TENM3: variants seen among roughly 807,000 people sequenced by gnomAD.
TENM3 encodes the protein teneurin-3.
In TENM3, 63 loss-of-function variants were observed where a neutral mutation model predicts 255.1. That is an observed-to-expected ratio of 0.25 (90% CI 0.20 to 0.30). TENM3 has a LOEUF of 0.30. Among genes scored for constraint, TENM3 ranks in the 10% least tolerant of loss-of-function variants. The probability of loss-of-function intolerance (pLI) is 1.00; values close to 1 mark genes in which losing one functional copy is unlikely to be tolerated. For missense variants in TENM3, 2,929 were observed against 3,461.1 expected, an observed-to-expected ratio of 0.85 and a Z score of 3.86; for synonymous variants, 1,306 against 1,322.3, an observed-to-expected ratio of 0.99 and a Z score of 0.27.
chr4:182,353,453 C>T (rs192007902), intron 3 of TENM3, among the ~76,000 whole-genome samples: 3 of 152,206 alleles, frequency 2.0e-5, no homozygotes, highest in East Asian at 3.9e-4. Context: ...CGTAATATGT[C>T]GGTGGGCTTC....
At chr4:182,669,992 C>T (rs1016022918) in intron 6 of TENM3, among the ~76,000 whole-genome samples, 1 of 152,140 alleles carries the variant, frequency 6.6e-6, no homozygotes, top group Non-Finnish European at 1.5e-5. Context: ...TCCTTCATGA[C>T]AAATGTAGGT....
chr4:182,169,745 C>G lies in TENM3; in HGVS notation c.-76+24991C>G, dbSNP rs547833835. ...CTGTGGGGGTTAAGAATATTTAATC[C>G]TTTAAAGCTGACATATATAACATGT... On this transcript the variant is annotated intron_variant, in intron 1 of 2. Transcript: ENST00000512480. 1.6e-4 allele frequency among the ~76,000 whole-genome samples: 24 copies of G among 151,966 alleles called. 1 individual carries two copies. In the South Asian group the frequency reaches 5.0e-3, roughly 32 times the overall value.
intron 12 of TENM3, 35 bp from the exon 13 acceptor site, chr4:182,714,052 C>T: frequency 6.2e-7 from 1 of 1,602,560 alleles, no homozygotes; most frequent in East Asian, 2.2e-5. Context: ...ACTCAATACT[C>T]AAATCACTGG....
intron 12 of TENM3, among the ~76,000 whole-genome samples, chr4:182,699,132 G>A (rs1054643219): frequency 3.3e-5 from 5 of 152,170 alleles, no homozygotes; most frequent in Admixed American, 1.3e-4. Flanking sequence ...TTTCTTTCCG[G>A]TCTACCTCCT....
At chr4:181,636,085 A>G in the TENM3 span, among the ~76,000 whole-genome samples, 1 of 152,140 alleles carries the variant, frequency 6.6e-6, no homozygotes, top group Non-Finnish European at 1.5e-5. Flanking sequence ...TCGCTCTGTC[A>G]TTCAGGCTGG....
intron 1 of TENM3, among the ~76,000 whole-genome samples, chr4:182,307,730 A>G (rs2150400078): frequency 6.6e-6 from 1 of 152,356 alleles, no homozygotes; most frequent in South Asian, 2.1e-4. Context: ...GAGGAAACGT[A>G]GACCAAATTG....
chr4:182,225,588 G>GGA (rs1258114087), intron 1 of TENM3, among the ~76,000 whole-genome samples: 1 of 152,194 alleles, frequency 6.6e-6, no homozygotes, highest in African/African-American at 2.4e-5. Context: ...GACGACAGCG[G>GGA]GAGATGAACA....
the TENM3 span, among the ~76,000 whole-genome samples, chr4:181,643,460 T>A: frequency 6.6e-6 from 1 of 152,210 alleles, no homozygotes; most frequent in African/African-American, 2.4e-5. Flanking sequence ...ACTTCCTCTT[T>A]TCCTATTTGA....
chr4:182,402,304 T>C (rs6823473), intron 3 of TENM3, among the ~76,000 whole-genome samples: 5,178 of 152,254 alleles, frequency 0.034, 145 homozygotes, highest in East Asian at 0.1. Flanking sequence ...TCTATCTAGA[T>C]GGGCAAAATA....
chr4:182,766,654 G>A lies in TENM3; in HGVS notation c.4893-6818G>A, dbSNP rs148699618. ...GTGACCATCTATCACTATGCTCAGC[G>A]TTCAAAAGGGCTGGACCAGAGAGGA... On this transcript the variant is annotated intron_variant, in intron 22 of 27. Transcript: ENST00000511685. Among the ~76,000 whole-genome samples the A allele has an allele frequency of 7.2e-5, 11 of 152,168 alleles. No individual in the cohort carries two copies. The East Asian group carries it at 9.7e-4, about 13-fold the overall frequency.
At chr4:182,521,094 C>G (rs1738516315) in intron 3 of TENM3, among the ~76,000 whole-genome samples, 1 of 152,116 alleles carries the variant, frequency 6.6e-6, no homozygotes, top group Non-Finnish European at 1.5e-5. Flanking sequence ...AGCTCATTAG[C>G]CCTTGAAGCA....
At chr4:181,939,855 T>G in the TENM3 span, among the ~76,000 whole-genome samples, 1 of 152,250 alleles carries the variant, frequency 6.6e-6, no homozygotes, top group Non-Finnish European at 1.5e-5. Context: ...TTAAAGCTAG[T>G]GTTCTTCAAC....
intron 4 of TENM3, among the ~76,000 whole-genome samples, chr4:182,603,492 A>T (rs1021582552): frequency 6.6e-6 from 1 of 152,124 alleles, no homozygotes; most frequent in Non-Finnish European, 1.5e-5. Flanking sequence ...TTCAACTTGC[A>T]GTACTCAGTG....
At chr4:182,215,123 A>G (rs1029770903) in intron 1 of TENM3, among the ~76,000 whole-genome samples, 3 of 152,172 alleles carry the variant, frequency 2.0e-5, no homozygotes, top group African/African-American at 4.8e-5. Context: ...AGTGCAAATG[A>G]AGTGCTGAGA....
At chr4:181,468,700 T>C in the TENM3 span, among the ~76,000 whole-genome samples, 1 of 152,238 alleles carries the variant, frequency 6.6e-6, no homozygotes, top group African/African-American at 2.4e-5. Flanking sequence ...TCTCACTCCA[T>C]ATTGCTGCCA....
At chr4:181,609,103 G>GA in the TENM3 span, among the ~76,000 whole-genome samples, 1 of 152,132 alleles carries the variant, frequency 6.6e-6, no homozygotes, top group Non-Finnish European at 1.5e-5. Context: ...GAAGTAAGGG[G>GA]AAAAAAAGGA....
intron 6 of TENM3, among the ~76,000 whole-genome samples, chr4:182,655,292 T>G (rs1488248708): frequency 6.6e-6 from 1 of 152,220 alleles, no homozygotes; most frequent in Non-Finnish European, 1.5e-5. Flanking sequence ...AGGGAACTTT[T>G]TTACAGACTG....
the TENM3 span, among the ~76,000 whole-genome samples, chr4:182,026,741 T>C: frequency 6.6e-6 from 1 of 152,202 alleles, no homozygotes; most frequent in African/African-American, 2.4e-5. Context: ...TGTATGTTTT[T>C]GGCACCTTGG....
the TENM3 span, among the ~76,000 whole-genome samples, chr4:181,530,817 A>C: frequency 6.6e-6 from 1 of 152,202 alleles, no homozygotes; most frequent in African/African-American, 2.4e-5. Context: ...GTGCATGTGC[A>C]TGTATGTACG....
Sources: allele counts gnomAD v4.1 joint callset (sites outside exome capture counted in the v4.1 genomes callset), GRCh38; gene constraint gnomAD v4.1.1; transcripts MANE v1.5; gene names NCBI Gene and HGNC (gene_info 2026-07-23, HGNC 2026-07-21).